EXD3: variants seen among roughly 807,000 people sequenced by gnomAD.
EXD3 encodes the protein exonuclease 3'-5' domain containing 3, also known as exonuclease mut-7 homolog.
In EXD3, 92 loss-of-function variants were observed where a neutral mutation model predicts 98.0. The observed-to-expected ratio is 0.94, with a 90% CI of 0.79 to 1.12. The LOEUF (loss-of-function observed/expected upper bound fraction) is 1.12, where lower values mean the gene tolerates loss of function less well. EXD3 is among the 50% of genes most tolerant of loss of function. The pLI is 0.00. For missense variants in EXD3, 1,222 were observed against 1,191.6 expected, an observed-to-expected ratio of 1.03 and a Z score of -0.38; for synonymous variants, 569 against 526.0, an observed-to-expected ratio of 1.08 and a Z score of -1.12.
intron 1 of EXD3, among the ~76,000 whole-genome samples, chr9:137,396,629 C>T (rs998787547): frequency 6.6e-6 from 1 of 152,212 alleles, no homozygotes; most frequent in Non-Finnish European, 1.5e-5. Context: ...GGCCAACACG[C>T]ACCCCTAAAC....
At chr9:137,317,862 T>C (rs541884228) in intron 19 of EXD3, among the ~76,000 whole-genome samples, 88 of 152,312 alleles carry the variant, frequency 5.8e-4, no homozygotes, top group Non-Finnish European at 1.2e-3. Flanking sequence ...GCTCTGGGGC[T>C]GGGCCCCTAC....
At chr9:137,406,581 T>C (rs1837724883) in intron 1 of EXD3, among the ~76,000 whole-genome samples, 1 of 152,214 alleles carries the variant, frequency 6.6e-6, no homozygotes, top group African/African-American at 2.4e-5. Flanking sequence ...CTTGGCTTCC[T>C]GCACCAACGC....
At chr9:137,323,604 T>C (rs1832207457) in intron 19 of EXD3, 121 bp downstream of exon 19, 1 of 1,383,772 alleles carries the variant, frequency 7.2e-7, no homozygotes, top group Admixed American at 2.1e-5. Flanking sequence ...CCACGAGGGA[T>C]GCTCTGCCGA....
chr9:137,368,465 C>A (rs543735526), intron 5 of EXD3, among the ~76,000 whole-genome samples: 22 of 152,324 alleles, frequency 1.4e-4, no homozygotes, highest in African/African-American at 5.0e-4. Context: ...GGGGTCCTAG[C>A]CCTTCCCACG....
At chr9:137,422,112 T>TAAA (rs35073810) in intron 1 of EXD3, among the ~76,000 whole-genome samples, 6 of 119,466 alleles carry the variant, frequency 5.0e-5, no homozygotes, top group Non-Finnish European at 3.5e-5. Flanking sequence ...GTGGTGTTCT[T>TAAA]AAAAAAAAAA....
intron 19 of EXD3, among the ~76,000 whole-genome samples, chr9:137,310,874 A>G (rs969285907): frequency 2.0e-5 from 3 of 152,140 alleles, no homozygotes; most frequent in Non-Finnish European, 4.4e-5. Flanking sequence ...AGGGAAGAGG[A>G]GGCCGAGATC....
chr9:137,420,375 T>G (rs1838456842), intron 1 of EXD3, among the ~76,000 whole-genome samples: 1 of 152,240 alleles, frequency 6.6e-6, no homozygotes, highest in African/African-American at 2.4e-5. Flanking sequence ...ATTTGTCTTT[T>G]TCTCTACCTG....
intron 19 of EXD3, among the ~76,000 whole-genome samples, chr9:137,314,252 T>C (rs1831517510): frequency 6.6e-6 from 1 of 152,202 alleles, no homozygotes; most frequent in Non-Finnish European, 1.5e-5. Context: ...CTTGCAGCCC[T>C]GGGCTGCCCG....
intron 5 of EXD3, among the ~76,000 whole-genome samples, chr9:137,369,081 C>T (rs1387087440): frequency 2.5e-5 from 2 of 78,906 alleles, no homozygotes; most frequent in South Asian, 4.9e-4. Flanking sequence ...GTCTCAGGGC[C>T]GTGGGGAGGG....
At chr9:137,308,929 G>A (rs1315495423) in intron 20 of EXD3, among the ~76,000 whole-genome samples, 1 of 152,152 alleles carries the variant, frequency 6.6e-6, no homozygotes, top group Non-Finnish European at 1.5e-5. Flanking sequence ...ACAGGCGTGA[G>A]CCACCGCGCC....
intron 1 of EXD3, among the ~76,000 whole-genome samples, chr9:137,411,660 G>A (rs1048878611): frequency 6.8e-6 from 1 of 147,828 alleles, no homozygotes; most frequent in Non-Finnish European, 1.5e-5. Context: ...CACCAGCCCC[G>A]GGACCTGGAA....
Position 137,390,119 on chromosome 9 carries a change from CAAAAAAAAAAAA to C in EXD3, c.55+5172_55+5183del, listed in dbSNP as rs34716316. On this transcript the variant is annotated intron_variant, in intron 2 of 21. Transcript: ENST00000340951. Reference sequence around the variant, plus strand: ...CCTGGGTGACAGAGCGAGACTCTGTCAAAAAAAAAAAAAAAAAAAAAAAAAAAATGGCCGGGC... The same window carrying C: ...CCTGGGTGACAGAGCGAGACTCTGTCAAAAAAAAAAAAAAAATGGCCGGGC... 4.7e-4 allele frequency among the ~76,000 whole-genome samples: 11 copies of C among 23,382 alleles called. No homozygotes were observed. In the South Asian group the frequency reaches 0.012, roughly 25 times the overall value. The allele number at this position is 23,382 out of a possible 152,430, so 15.3% of individuals were successfully genotyped here.
At chr9:137,365,118 T>A (rs1278040274) in intron 7 of EXD3, 1 of 151,788 alleles carries the variant, frequency 6.6e-6, no homozygotes, top group Non-Finnish European at 1.5e-5. Context: ...CAACCGACTA[T>A]GTGCTCACCT....
chr9:137,417,979 C>A (rs1588447808), intron 1 of EXD3, among the ~76,000 whole-genome samples: 1 of 152,116 alleles, frequency 6.6e-6, no homozygotes, highest in Admixed American at 6.5e-5. Context: ...CGGGGACGCA[C>A]GGTCACTGGG....
intron 2 of EXD3, among the ~76,000 whole-genome samples, chr9:137,386,523 T>C (rs1286655217): frequency 1.3e-5 from 2 of 151,792 alleles, no homozygotes; most frequent in African/African-American, 4.8e-5. Context: ...CTCCCTGCCT[T>C]GACGCTGTGC....
At chr9:137,329,106 T>C (rs1191190031) in intron 17 of EXD3, among the ~76,000 whole-genome samples, 1 of 13,466 alleles carries the variant, frequency 7.4e-5, no homozygotes, top group African/African-American at 4.3e-4. Flanking sequence ...TACACGGGGC[T>C]ACACGGGGCT....
In EXD3 at chr9:137,335,407, G is replaced by A. The variant is rs190630444; in HGVS notation, c.1999-11264C>T. Among the ~76,000 whole-genome samples the A allele has an allele frequency of 1.7e-3, 257 of 152,124 alleles. 1 individual carries two copies. Among genetic ancestry groups the A allele is most frequent in the African/African-American group, 5.8e-3 (242 of 41,504 alleles). ...TATTAAAATGTAAAAAAGACCAGGC[G>A]TGGTGGCTCATACCTATAATCCCAG... is the stretch of plus-strand genomic sequence containing the variant. On this transcript the variant is annotated intron_variant, in intron 17 of 21. Coordinates refer to ENST00000340951, the MANE Select transcript of EXD3 (RefSeq NM_017820.5).
intron 19 of EXD3, among the ~76,000 whole-genome samples, chr9:137,319,148 C>T (rs1396916914): frequency 2.0e-5 from 3 of 152,256 alleles, no homozygotes; most frequent in East Asian, 1.9e-4. Flanking sequence ...GCCCCGTGGG[C>T]AGCTCCAGGG....
At position 137,353,641 on chromosome 9, in the gene EXD3, T is replaced by C. The variant is rs563233660; in HGVS notation, c.870+698A>G. 5.9e-5 allele frequency: 58 copies of C among 985,946 alleles called. No individual in the cohort carries two copies. In the South Asian group the frequency reaches 8.4e-4, roughly 14 times the overall value. The allele number at this position is 985,946 out of a possible 1,614,324, so 61.1% of individuals were successfully genotyped here. A position where few individuals can be genotyped will look rare whatever the true frequency, so the allele number is the denominator to read the frequency against. On this transcript the variant is annotated intron_variant, in intron 10 of 21. Transcript: ENST00000340951. ...CGCCCAGCCCAGGAGCAGAGGCACCTACAGGCCTGCGGGACCCTCAGCCCC... is the reference window on the plus strand; with the variant it reads ...CGCCCAGCCCAGGAGCAGAGGCACCCACAGGCCTGCGGGACCCTCAGCCCC...
Sources: gnomAD v4.1 joint callset for allele counts (sites outside exome capture counted in the v4.1 genomes callset) on GRCh38, gnomAD v4.1.1 for gene constraint, MANE v1.5 for transcripts, NCBI Gene and HGNC (gene_info 2026-07-23, HGNC 2026-07-21) for gene names.